The following CDK14 variants were observed in gnomAD, a reference collection of about 807,000 sequenced individuals.
CDK14 encodes the protein cyclin-dependent kinase 14.
In CDK14, 34 loss-of-function variants were observed where a neutral mutation model predicts 60.7. The ratio of observed to expected loss-of-function variants is 0.56; its 90% CI spans 0.43 to 0.75. CDK14 has a LOEUF of 0.75. Among genes scored for constraint, CDK14 ranks in the 30% least tolerant of loss-of-function variants. CDK14 has a pLI of 0.00. For synonymous variants in CDK14, 197 were observed against 203.7 expected, an observed-to-expected ratio of 0.97 and a Z score of 0.28; for missense variants, 482 against 564.1, an observed-to-expected ratio of 0.85 and a Z score of 1.47.
chr7:90,882,758 C>A (rs1018952109), intron 6 of CDK14, among the ~76,000 whole-genome samples: 6 of 152,188 alleles, frequency 3.9e-5, no homozygotes, highest in African/African-American at 1.4e-4. Context: ...GACCACAATG[C>A]AATCAAATTA....
At chr7:90,891,757 A>G (rs185546536) in intron 6 of CDK14, among the ~76,000 whole-genome samples, 21 of 152,360 alleles carry the variant, frequency 1.4e-4, no homozygotes, top group Admixed American at 1.2e-3. Context: ...CCTGAAGAAC[A>G]TCGAAATTAG....
At chr7:91,163,511 A>G (rs1297163519) in intron 14 of CDK14, among the ~76,000 whole-genome samples, 1 of 152,212 alleles carries the variant, frequency 6.6e-6, no homozygotes, top group Non-Finnish European at 1.5e-5. Context: ...GTATAGATGT[A>G]TGGGGTATAA....
chr7:90,959,945 T>C (rs537024731), intron 9 of CDK14, among the ~76,000 whole-genome samples: 3 of 152,280 alleles, frequency 2.0e-5, no homozygotes, highest in South Asian at 2.1e-4. Context: ...TAACTTCTCT[T>C]AATTTTTGGA....
chr7:90,852,596 A>G (rs1403677815), intron 5 of CDK14, among the ~76,000 whole-genome samples: 1 of 152,146 alleles, frequency 6.6e-6, no homozygotes, highest in Non-Finnish European at 1.5e-5. Flanking sequence ...CTTTTCTTAG[A>G]TTAAATATCT....
At chr7:91,065,260 C>T (rs1051286330) in intron 11 of CDK14, among the ~76,000 whole-genome samples, 1 of 152,166 alleles carries the variant, frequency 6.6e-6, no homozygotes, top group East Asian at 1.9e-4. Context: ...AGTGACAGGG[C>T]AGTGCAATTC....
chr7:90,811,824 C>A (rs1268283648), intron 5 of CDK14, among the ~76,000 whole-genome samples: 1 of 152,212 alleles, frequency 6.6e-6, no homozygotes, highest in Non-Finnish European at 1.5e-5. Context: ...AGAGACACTT[C>A]TCAAAAGAAG....
intron 2 of CDK14, among the ~76,000 whole-genome samples, chr7:90,647,793 C>A (rs1280633370): frequency 6.6e-6 from 1 of 152,054 alleles, no homozygotes; most frequent in Non-Finnish European, 1.5e-5. Flanking sequence ...GAGTTCGAGG[C>A]TGCAGTGAGC....
intron 2 of CDK14, among the ~76,000 whole-genome samples, chr7:90,665,645 T>C (rs1800963251): frequency 1.3e-5 from 2 of 152,238 alleles, no homozygotes; most frequent in Admixed American, 6.5e-5. Flanking sequence ...TCTTCTCTCC[T>C]TTCTAGAAAT....
chr7:91,201,611 T>C (rs1802729651), intron 14 of CDK14, among the ~76,000 whole-genome samples: 3 of 151,930 alleles, frequency 2.0e-5, no homozygotes, highest in Admixed American at 2.0e-4. Context: ...ACAGACCACC[T>C]GATCACATCG....
At chr7:90,822,033 C>CTT (rs1789569988) in intron 5 of CDK14, among the ~76,000 whole-genome samples, 1 of 152,198 alleles carries the variant, frequency 6.6e-6, no homozygotes, top group Non-Finnish European at 1.5e-5. Context: ...ATCAATCCTG[C>CTT]TTATTATTAA....
At position 90,953,361 on chromosome 7, in the gene CDK14, T is replaced by A. The variant is rs560868116; in HGVS notation, c.827-2336T>A. On this transcript the variant is annotated intron_variant, in intron 8 of 14. Coordinates refer to ENST00000380050, the MANE Select transcript of CDK14 (RefSeq NM_001287135.2). ...TAGATATTGAAAGTTATTTTTACTG[T>A]TATTTTGGGAAGTTATGTGGCTCAT... is the stretch of plus-strand genomic sequence containing the variant. Among the ~76,000 whole-genome samples, 4 of 152,314 alleles carry A rather than the reference T, an allele frequency of 2.6e-5. No individual in the cohort carries two copies. In the South Asian group the frequency reaches 8.3e-4, roughly 32 times the overall value.
chr7:91,044,155 T>TTTTATGCATTTTAGCGAAACA (rs556910842), intron 10 of CDK14, among the ~76,000 whole-genome samples: 375 of 152,104 alleles, frequency 2.5e-3, no homozygotes, highest in Non-Finnish European at 4.3e-3. Flanking sequence ...TGCAGCTGGG[T>TTTTATGCATTTTAGCGAAACA]TTTATGCATT....
At chr7:90,787,523 A>G (rs1202077249) in intron 4 of CDK14, among the ~76,000 whole-genome samples, 2 of 152,132 alleles carry the variant, frequency 1.3e-5, no homozygotes, top group Non-Finnish European at 1.5e-5. Context: ...TTTATTCTGG[A>G]CTTATTTTGC....
chr7:90,614,332 A>G (rs1164157808), intron 2 of CDK14, among the ~76,000 whole-genome samples: 3 of 152,098 alleles, frequency 2.0e-5, no homozygotes, highest in Non-Finnish European at 4.4e-5. Context: ...AACTCTTATT[A>G]TTCTTGTCAT....
At position 90,760,848 on chromosome 7, in the gene CDK14, T is replaced by C. The variant is rs187419063; in HGVS notation, c.464+13073T>C. Reference sequence around the variant, plus strand: ...ATCTGTGTTCCTTCAGATCTGTGTATAGGTGAAAGTTTGAAAAGTAGGGTT... The same window carrying C: ...ATCTGTGTTCCTTCAGATCTGTGTACAGGTGAAAGTTTGAAAAGTAGGGTT... On this transcript the variant is annotated intron_variant, in intron 4 of 14. Coordinates refer to ENST00000380050, the MANE Select transcript of CDK14 (RefSeq NM_001287135.2). 1.1e-4 allele frequency among the ~76,000 whole-genome samples: 17 copies of C among 152,322 alleles called. No homozygotes were observed. The East Asian group carries it at 2.5e-3, about 22-fold the overall frequency.
chr7:91,171,898 C>T (rs529731039), intron 14 of CDK14, among the ~76,000 whole-genome samples: 15 of 152,298 alleles, frequency 9.8e-5, no homozygotes, highest in African/African-American at 2.9e-4. Context: ...CCACCCACCT[C>T]GACCTCTCAA....
chr7:90,974,351 C>T (rs899281670), intron 9 of CDK14, among the ~76,000 whole-genome samples: 22 of 152,072 alleles, frequency 1.4e-4, no homozygotes, highest in African/African-American at 5.1e-4. Flanking sequence ...TCACAGGGTC[C>T]TGAGGCGACA....
chr7:90,748,009 C>G (rs78037732), intron 4 of CDK14, among the ~76,000 whole-genome samples: 1,939 of 151,626 alleles, frequency 0.013, 58 homozygotes, highest in African/African-American at 0.045. Flanking sequence ...ATGCGCCTCC[C>G]CACAACACTG....
At chr7:90,674,708 AGGCAGTTTAAAAAAT>A (rs1216700172) in intron 2 of CDK14, among the ~76,000 whole-genome samples, 98 of 152,298 alleles carry the variant, frequency 6.4e-4, no homozygotes, top group African/African-American at 2.3e-3. Context: ...AGTTTGGTCT[AGGCAGTTTAAAAAAT>A]GGTAACTGGA....
Sources: gnomAD v4.1 joint callset for allele counts (sites outside exome capture counted in the v4.1 genomes callset) on GRCh38, gnomAD v4.1.1 for gene constraint, MANE v1.5 for transcripts, NCBI Gene and HGNC (gene_info 2026-07-23, HGNC 2026-07-21) for gene names.